Variants in SLC6A7 observed in about 807,000 individuals in gnomAD.
SLC6A7 encodes the protein solute carrier family 6 member 7, also known as sodium-dependent proline transporter.
SLC6A7 carries 58 observed loss-of-function variants against 73.1 expected under a neutral mutation model. That is an observed-to-expected ratio of 0.79 (90% confidence interval 0.64 to 0.99). The LOEUF is 0.99. Among genes scored for constraint, SLC6A7 ranks in the 50% least tolerant of loss-of-function variants. The probability of loss-of-function intolerance (pLI) is 0.00; values close to 1 mark genes in which losing one functional copy is unlikely to be tolerated. For synonymous variants in SLC6A7, 338 were observed against 338.7 expected, an observed-to-expected ratio of 1.00 and a Z score of 0.02; for missense variants, 783 against 831.4, an observed-to-expected ratio of 0.94 and a Z score of 0.72.
chr5:150,209,884 A>G lies in SLC6A7; in HGVS notation c.*269A>G, dbSNP rs1459474590. 4.9e-5 allele frequency: 24 copies of G among 487,616 alleles called. 1 individual carries two copies. The highest frequency in any genetic ancestry group is 5.6e-4 in the Middle Eastern group (1 of 1,794). 30.2% of individuals were successfully genotyped at this position (487,616 alleles called of 1,614,324 possible). ...CCCTACTTTGCGGATGGACATATTA[A>G]GGCCAGGAGGGGAGGGACTTGCCCC... On this transcript the variant is annotated 3_prime_UTR_variant, in exon 14 of 14. Transcript: ENST00000230671.
In SLC6A7 at chr5:150,203,675, C is replaced by T. The variant is rs1753507116; in HGVS notation, c.1096C>T (p.Leu366=). Reference sequence around the variant, plus strand: ...GTGTGCCCCTGGCCCAGGCCCTGGCCTGGCCTTTGTCGTCTACCCACAGGC... The same window carrying T: ...GTGTGCCCCTGGCCCAGGCCCTGGCTTGGCCTTTGTCGTCTACCCACAGGC... ...VDQVAKAGPG[L]AFVVYPQAMT... The change falls in exon 9 of 14, where the codon CTG becomes TTG. Residue 366 remains leucine (L), a synonymous_variant. Coordinates refer to ENST00000230671, the MANE Select transcript of SLC6A7 (RefSeq NM_014228.5). The T allele has an allele frequency of 1.9e-6, 3 of 1,603,142 alleles. No individual in the cohort carries two copies. The South Asian group carries it at 3.3e-5, about 18-fold the overall frequency.
intron 12 of SLC6A7, 123 bp downstream of exon 12, chr5:150,205,050 C>A (rs1753615158): frequency 4.7e-6 from 3 of 631,656 alleles, no homozygotes; most frequent in Non-Finnish European, 8.4e-6. Flanking sequence ...GGGTGGCCAC[C>A]AGAATCCTAG....
At chr5:150,208,061 G>C (rs1753785290) in intron 13 of SLC6A7, among the ~76,000 whole-genome samples, 2 of 135,746 alleles carry the variant, frequency 1.5e-5, no homozygotes, top group Admixed American at 7.5e-5. Context: ...AATGTCAGGA[G>C]CACTCAGGTT....
At chr5:150,197,695 C>T (rs1753107898) in intron 4 of SLC6A7, among the ~76,000 whole-genome samples, 1 of 152,154 alleles carries the variant, frequency 6.6e-6, no homozygotes, top group African/African-American at 2.4e-5. Context: ...ACAGTACCTG[C>T]TTCATAAGGT....
intron 1 of SLC6A7, among the ~76,000 whole-genome samples, chr5:150,190,727 T>C (rs1313238841): frequency 1.3e-5 from 2 of 152,180 alleles, no homozygotes; most frequent in Non-Finnish European, 2.9e-5. Context: ...GTGGGGGGTA[T>C]TGGAATACCT....
chr5:150,204,031 C>G lies in SLC6A7; in HGVS notation c.1325C>G (p.Thr442Ser). The G allele has an allele frequency of 6.2e-7, 1 of 1,613,078 alleles. No homozygotes were observed. Among genetic ancestry groups the G allele is most frequent in the Non-Finnish European group, 8.5e-7 (1 of 1,179,588 alleles). The change falls in exon 10 of 14, where the codon ACC becomes AGC. Residue 442 changes from threonine to serine, a missense_variant. Thr to Ser is a moderately conservative substitution (Grantham distance 58). Coordinates refer to ENST00000230671, the MANE Select transcript of SLC6A7 (RefSeq NM_014228.5). ...VAMYLMGLIL[T>S]TDGGMYWLVL... ...ATGTACCTGATGGGGCTGATCCTCA[C>G]CACTGATGTGAGTGGCGCTACAGGG...
rs144059164 is a variant in SLC6A7 at position 150,193,053 on chromosome 5, G to A, written c.34-1675G>A. 2.5e-3 allele frequency among the ~76,000 whole-genome samples: 381 copies of A among 152,346 alleles called. 2 individuals carry two copies. Among genetic ancestry groups the A allele is most frequent in the African/African-American group, 8.7e-3 (361 of 41,576 alleles). On this transcript the variant is annotated intron_variant, in intron 1 of 13. Transcript: ENST00000230671. The stretch of plus-strand genomic sequence containing the variant: ...TCTGCTGCTCCTGTCACCTCAGCAT[G>A]TCCATGATCACAGCTAAAGAACTTC...
intron 13 of SLC6A7, among the ~76,000 whole-genome samples, chr5:150,208,181 G>A (rs917984887): frequency 6.6e-6 from 1 of 151,820 alleles, no homozygotes; most frequent in African/African-American, 2.4e-5. Flanking sequence ...AATATGTAAA[G>A]GTAAGTTCTG....
rs1219771555 is a variant in SLC6A7 at position 150,210,975 on chromosome 5, G to A, written c.*1360G>A. 1 of 152,754 alleles carries A rather than the reference G, an allele frequency of 6.5e-6. No individual in the cohort carries two copies. Among genetic ancestry groups the A allele is most frequent in the Non-Finnish European group, 1.5e-5 (1 of 68,366 alleles). The allele number at this position is 152,754 out of a possible 1,614,324, so 9.5% of individuals were successfully genotyped here. A position where few individuals can be genotyped will look rare whatever the true frequency, so the allele number is the denominator to read the frequency against. ...GTTCCCTCATGCAACAGGCCTCCCTGTGGCCAGCCTCTCTGCCTGTCTCTC... is the reference window on the plus strand; with the variant it reads ...GTTCCCTCATGCAACAGGCCTCCCTATGGCCAGCCTCTCTGCCTGTCTCTC... On this transcript the variant is annotated 3_prime_UTR_variant, in exon 14 of 14. Transcript: ENST00000230671.
At chr5:150,190,719 G>C (rs1460063790) in intron 1 of SLC6A7, among the ~76,000 whole-genome samples, 2 of 152,202 alleles carry the variant, frequency 1.3e-5, no homozygotes, top group East Asian at 1.9e-4. Context: ...TGCCGGGTGT[G>C]GGGGGTATTG....
At position 150,209,485 on chromosome 5, in the gene SLC6A7, C is replaced by T. The variant is rs368125552; in HGVS notation, c.1781C>T (p.Thr594Met). ...AACCGGACGGGCATGTATGTGGCCA[C>T]GCTGGCTGGGAGCCAGTCACCAAAG... is the stretch of plus-strand genomic sequence containing the variant. Reference protein sequence around the residue: ...EENRTGMYVATLAGSQSPKPL... With the variant: ...EENRTGMYVAMLAGSQSPKPL... Residue 594 changes from threonine to methionine, a missense_variant, in exon 14 of 14, where the codon ACG becomes ATG. Transcript: ENST00000230671. 35 of 1,614,150 alleles carry T rather than the reference C, an allele frequency of 2.2e-5. No homozygotes were observed. The highest frequency in any genetic ancestry group is 9.3e-5 in the African/African-American group (7 of 75,072).
chr5:150,198,730 G>A (rs576847940), intron 4 of SLC6A7, among the ~76,000 whole-genome samples: 19 of 152,078 alleles, frequency 1.2e-4, no homozygotes, highest in African/African-American at 4.3e-4. Context: ...AACCTAGGAG[G>A]CAATGGGAGG....
rs966889871 is a variant in SLC6A7, at chr5:150,210,026, T to G, written c.*411T>G. On this transcript the variant is annotated 3_prime_UTR_variant, in exon 14 of 14. Transcript: ENST00000230671. The stretch of plus-strand genomic sequence containing the variant: ...TTCAGGGCCTACACCCCTCCCTTTT[T>G]GGGGGGAGCCTGTCCCCACACACCT... 4 of 220,018 alleles carry G rather than the reference T, an allele frequency of 1.8e-5. No homozygotes were observed. Among genetic ancestry groups the G allele is most frequent in the Non-Finnish European group, 2.8e-5 (3 of 107,930 alleles). 13.6% of individuals were successfully genotyped at this position (220,018 alleles called of 1,614,324 possible). A position where few individuals can be genotyped will look rare whatever the true frequency, so the allele number is the denominator to read the frequency against.
Position 150,194,911 on chromosome 5 carries a change from G to A in SLC6A7, c.217G>A (p.Gly73Ser), listed in dbSNP as rs1015975879. ...FPYRAYTNGG[G>S]AFLVPYFLML... is the part of the protein sequence containing the mutation. The stretch of plus-strand genomic sequence containing the variant: ...CTATCGAGCGTACACCAATGGAGGA[G>A]GTATGGGCCTGAGGTCCTGTCGGAG... The change falls in exon 2 of 14, where the codon GGC becomes AGC. Residue 73 changes from glycine (G) to serine (S), a missense_variant and splice_region_variant. Gly to Ser is a moderately conservative substitution (Grantham distance 56). Transcript: ENST00000230671. 1.2e-6 allele frequency: 2 copies of A among 1,612,504 alleles called. No individual in the cohort carries two copies. Among genetic ancestry groups the A allele is most frequent in the African/African-American group, 2.7e-5 (2 of 74,930 alleles).
rs1009841836 is a variant in SLC6A7 at position 150,203,702 on chromosome 5, A to G, written c.1123A>G (p.Met375Val). Residue 375 changes from methionine (M) to valine (V), a missense_variant, in exon 9 of 14, where the codon ATG becomes GTG. Met to Val is a conservative substitution (Grantham distance 21, BLOSUM62 1). Coordinates refer to ENST00000230671, the MANE Select transcript of SLC6A7 (RefSeq NM_014228.5). ...GLAFVVYPQAMTMLPLSPFWS... is the reference protein window; with the variant it reads ...GLAFVVYPQAVTMLPLSPFWS... ...GGCCTTTGTCGTCTACCCACAGGCCATGACCATGCTGCCTCTGTCACCCTT... is the reference window on the plus strand; with the variant it reads ...GGCCTTTGTCGTCTACCCACAGGCCGTGACCATGCTGCCTCTGTCACCCTT... 2.5e-6 allele frequency: 4 copies of G among 1,612,774 alleles called. No homozygotes were observed. Among genetic ancestry groups the G allele is most frequent in the Admixed American group, 1.7e-5 (1 of 60,018 alleles).
chr5:150,206,289 C>T (rs543282753), intron 13 of SLC6A7, among the ~76,000 whole-genome samples: 24 of 152,226 alleles, frequency 1.6e-4, no homozygotes, highest in Non-Finnish European at 3.1e-4. Context: ...TTAGTGAGCC[C>T]GATGGATGGC....
chr5:150,198,115 G>GAGAAAGAA lies in SLC6A7; in HGVS notation c.584+858_584+865dup, dbSNP rs1554115651. ...AGAAAGAAAGAAAGAAAGAAAGAAA[G>GAGAAAGAA]AGAAAGAAAGAAAGAAAGAAAGAAA... is the stretch of plus-strand genomic sequence containing the variant. On this transcript the variant is annotated intron_variant, in intron 4 of 13. Transcript: ENST00000230671. Among the ~76,000 whole-genome samples, 33 of 77,616 alleles carry GAGAAAGAA rather than the reference G, an allele frequency of 4.3e-4. 1 individual carries two copies. Among genetic ancestry groups the GAGAAAGAA allele is most frequent in the Non-Finnish European group, 8.1e-4 (26 of 32,072 alleles). 50.9% of individuals were successfully genotyped at this position (77,616 alleles called of 152,430 possible).
chr5:150,192,743 C>T (rs776531106), intron 1 of SLC6A7, among the ~76,000 whole-genome samples: 5 of 152,138 alleles, frequency 3.3e-5, no homozygotes, highest in Admixed American at 6.6e-5. Context: ...AACAGAGAAC[C>T]GGGACCGCTC....
At position 150,208,651 on chromosome 5, in the gene SLC6A7, G is replaced by A. The variant is rs189917739; in HGVS notation, c.1702-755G>A. On this transcript the variant is annotated intron_variant, in intron 13 of 13. Transcript: ENST00000230671. The stretch of plus-strand genomic sequence containing the variant: ...AGGCATCACACATGGTATCTCCCTC[G>A]GAACCTGCCCAGTGGGCTGCCCAAA... 3.0e-3 allele frequency among the ~76,000 whole-genome samples: 454 copies of A among 152,306 alleles called. 1 individual carries two copies. The highest frequency in any genetic ancestry group is 4.9e-3 in the Non-Finnish European group (336 of 68,012).
Sources: allele counts gnomAD v4.1 joint callset (sites outside exome capture counted in the v4.1 genomes callset), GRCh38; gene constraint gnomAD v4.1.1; transcripts MANE v1.5; gene names NCBI Gene and HGNC (gene_info 2026-07-23, HGNC 2026-07-21).